The following THADA variants were observed in gnomAD, a reference collection of about 807,000 sequenced individuals.
THADA encodes tRNA (32-2'-O)-methyltransferase regulator THADA.
In THADA, 213 loss-of-function variants were observed where a neutral mutation model predicts 219.8. The ratio of observed to expected loss-of-function variants is 0.97; its 90% confidence interval spans 0.87 to 1.09. THADA has a LOEUF of 1.09. Ranked by LOEUF, THADA falls within the 50% of genes least tolerant of loss-of-function variation. THADA has a pLI of 0.00. For synonymous variants in THADA, 1,018 were observed against 828.9 expected (o/e 1.23, Z -3.92); for missense variants, 2,956 against 2,311.3 (o/e 1.28, Z -5.72).
intron 29 of THADA, among the ~76,000 whole-genome samples, chr2:43,379,302 G>A (rs559695423): frequency 2.6e-4 from 39 of 152,026 alleles, no homozygotes; most frequent in African/African-American, 7.2e-4. Context: ...AATGAAGAGC[G>A]AGTTAAAAAA....
At chr2:43,232,956 G>A (rs2104006001) in intron 36 of THADA, 74 bp from the exon 37 acceptor site, 2 of 1,482,362 alleles carry the variant, frequency 1.3e-6, no homozygotes, top group Non-Finnish European at 1.8e-6. Context: ...GCAGGACCCT[G>A]GGAACAATAA....
intron 30 of THADA, 140 bp downstream of exon 30, chr2:43,343,982 G>A (rs1667346355): frequency 1.7e-6 from 1 of 604,742 alleles, no homozygotes. Context: ...ACAACCCAAA[G>A]TTCTAAAAGG....
chr2:43,304,935 G>A (rs1282357273), intron 31 of THADA, among the ~76,000 whole-genome samples: 2 of 152,168 alleles, frequency 1.3e-5, no homozygotes, highest in Non-Finnish European at 2.9e-5. Context: ...GCCTCCCAAA[G>A]TGCTGGGATT....
chr2:43,573,519 GA>G (rs1173580598), intron 11 of THADA, among the ~76,000 whole-genome samples: 1 of 152,182 alleles, frequency 6.6e-6, no homozygotes, highest in African/African-American at 2.4e-5. Context: ...CCTTACTTCA[GA>G]ACAGATTCTT....
intron 20 of THADA, among the ~76,000 whole-genome samples, chr2:43,544,140 C>T (rs1030292628): frequency 3.3e-5 from 5 of 152,176 alleles, no homozygotes; most frequent in African/African-American, 4.8e-5. Flanking sequence ...TCCTCTCCCC[C>T]ATTGCTTGTT....
rs914826406 is a variant in THADA at position 43,389,422 on chromosome 2, C to G, written c.4227+8549G>C. On this transcript the variant is annotated intron_variant, in intron 29 of 37. Transcript: ENST00000405975. ...ACCACTTGAGCCTAGGAGCTCAAGG[C>G]CAGCCTATGCACCATAGCGATACCC... is the stretch of plus-strand genomic sequence containing the variant. Among the ~76,000 whole-genome samples, 3 of 152,154 alleles carry G rather than the reference C, an allele frequency of 2.0e-5. No homozygotes were observed. The East Asian group carries it at 5.8e-4, about 29-fold the overall frequency.
intron 36 of THADA, among the ~76,000 whole-genome samples, chr2:43,258,459 T>C (rs1670567750): frequency 1.3e-5 from 2 of 151,900 alleles, no homozygotes; most frequent in African/African-American, 4.8e-5. Context: ...GAGGTGGAGG[T>C]TGTGGTGAGC....
intron 29 of THADA, among the ~76,000 whole-genome samples, chr2:43,356,300 A>C (rs1322452361): frequency 2.0e-5 from 3 of 152,182 alleles, no homozygotes; most frequent in Non-Finnish European, 4.4e-5. Context: ...AAAGAATCAA[A>C]TGTAAAAAAG....
intron 21 of THADA, among the ~76,000 whole-genome samples, chr2:43,535,631 G>A (rs767707904): frequency 3.3e-5 from 4 of 122,986 alleles, no homozygotes; most frequent in African/African-American, 1.3e-4. Flanking sequence ...ATCTAAACCC[G>A]AGACAGCGCC....
At chr2:43,493,172 A>AC (rs1187024234) in intron 25 of THADA, among the ~76,000 whole-genome samples, 2 of 152,090 alleles carry the variant, frequency 1.3e-5, no homozygotes, top group Non-Finnish European at 2.9e-5. Flanking sequence ...GAACCAGATT[A>AC]CCCTGGGGGA....
At chr2:43,284,818 C>A (rs971935587) in intron 35 of THADA, among the ~76,000 whole-genome samples, 1 of 152,218 alleles carries the variant, frequency 6.6e-6, no homozygotes, top group African/African-American at 2.4e-5. Flanking sequence ...TGTAAAGCCA[C>A]AGGGGCAGAG....
chr2:43,289,981 T>C (rs1298837902), intron 34 of THADA, among the ~76,000 whole-genome samples: 2 of 146,096 alleles, frequency 1.4e-5, no homozygotes, highest in African/African-American at 5.1e-5. Flanking sequence ...TTTTTGTTTT[T>C]TTTTTTTTTT....
At chr2:43,549,392 A>G (rs777585957) in intron 19 of THADA, 24 bp from the exon 20 acceptor site, 14 of 1,587,814 alleles carry the variant, frequency 8.8e-6, no homozygotes, top group Admixed American at 1.8e-5. Flanking sequence ...ATGAGCGTAC[A>G]TGAAACCCAG....
intron 28 of THADA, among the ~76,000 whole-genome samples, chr2:43,422,120 T>A (rs1168521519): frequency 6.6e-6 from 1 of 152,244 alleles, no homozygotes; most frequent in Non-Finnish European, 1.5e-5. Context: ...CTTGAAAACT[T>A]AACACTTTTG....
At chr2:43,357,851 G>A (rs1012437075) in intron 29 of THADA, among the ~76,000 whole-genome samples, 3 of 152,102 alleles carry the variant, frequency 2.0e-5, no homozygotes, top group African/African-American at 7.2e-5. Context: ...ATTCAATGTT[G>A]TATACTTCTG....
chr2:43,576,398 C>G (rs1699860634), intron 10 of THADA, among the ~76,000 whole-genome samples: 1 of 152,138 alleles, frequency 6.6e-6, no homozygotes, highest in South Asian at 2.1e-4. Flanking sequence ...ATTGCTGTTT[C>G]AGGTTCTTAT....
chr2:43,374,981 T>C (rs942418280), intron 29 of THADA, among the ~76,000 whole-genome samples: 9 of 152,056 alleles, frequency 5.9e-5, no homozygotes, highest in African/African-American at 1.9e-4. Context: ...ACTCAGTGTA[T>C]GACAAAGACA....
At chr2:43,424,107 T>C (rs1200509643) in intron 28 of THADA, among the ~76,000 whole-genome samples, 1 of 152,208 alleles carries the variant, frequency 6.6e-6, no homozygotes, top group Non-Finnish European at 1.5e-5. Context: ...ATTGACATTA[T>C]AAGTTCTGTC....
chr2:43,538,897 C>T (rs535677439), intron 21 of THADA, among the ~76,000 whole-genome samples: 5 of 152,288 alleles, frequency 3.3e-5, no homozygotes, highest in Admixed American at 1.3e-4. Context: ...TGTAATCTCC[C>T]TACCTTTTAT....
Sources: allele counts gnomAD v4.1 joint callset (sites outside exome capture counted in the v4.1 genomes callset), GRCh38; gene constraint gnomAD v4.1.1; transcripts MANE v1.5; gene names NCBI Gene and HGNC (gene_info 2026-07-23, HGNC 2026-07-21).